Variants in PTPRD observed in about 807,000 individuals in gnomAD.
The protein encoded by PTPRD is protein tyrosine phosphatase receptor type D.
Under a neutral mutation model 214.5 loss-of-function variants are expected in PTPRD, and 34 were observed. The ratio of observed to expected loss-of-function variants is 0.16; its 90% CI spans 0.12 to 0.21. The LOEUF (loss-of-function observed/expected upper bound fraction) is 0.21. PTPRD is among the 10% of genes least tolerant of loss of function. PTPRD has a pLI of 1.00. For synonymous variants in PTPRD, 1,128 were observed against 845.7 expected (o/e 1.33, Z -5.79); for missense variants, 2,545 against 2,398.7 (o/e 1.06, Z -1.27).
chr9:8,344,334 C>A (rs933235026), intron 39 of PTPRD, among the ~76,000 whole-genome samples: 5 of 151,930 alleles, frequency 3.3e-5, no homozygotes. Context: ...CATCAGGGAC[C>A]ATTCAAATGT....
intron 3 of PTPRD, among the ~76,000 whole-genome samples, chr9:10,283,986 G>A (rs746641463): frequency 6.6e-6 from 1 of 151,992 alleles, no homozygotes; most frequent in African/African-American, 2.4e-5. Context: ...TGAGACCCTG[G>A]CAAGCTCTTA....
chr9:8,787,057 A>G (rs952005295), intron 11 of PTPRD, among the ~76,000 whole-genome samples: 1 of 151,936 alleles, frequency 6.6e-6, no homozygotes, highest in Non-Finnish European at 1.5e-5. Flanking sequence ...TCTGGTCTCG[A>G]ACTCCTGGGC....
At chr9:8,485,459 GT>G in intron 28 of PTPRD, 135 bp from the exon 29 acceptor site, 1 of 659,852 alleles carries the variant, frequency 1.5e-6, no homozygotes, top group Non-Finnish European at 2.6e-6. Context: ...TTTCCTACCT[GT>G]TTAGAGCATT....
At chr9:9,537,000 G>A (rs1217508097) in intron 8 of PTPRD, among the ~76,000 whole-genome samples, 1 of 151,816 alleles carries the variant, frequency 6.6e-6, no homozygotes, top group Non-Finnish European at 1.5e-5. Context: ...CAGTACCTAT[G>A]GTTCAACAAA....
intron 7 of PTPRD, among the ~76,000 whole-genome samples, chr9:9,615,058 G>A (rs932171514): frequency 1.3e-5 from 2 of 152,162 alleles, no homozygotes; most frequent in Admixed American, 6.5e-5. Context: ...AGCAACGTGG[G>A]TGTAAGAATA....
intron 9 of PTPRD, among the ~76,000 whole-genome samples, chr9:9,211,063 G>C (rs1420011372): frequency 2.0e-5 from 3 of 151,292 alleles, no homozygotes. Flanking sequence ...CAAATATCAA[G>C]GCAATACATG....
chr9:9,569,782 G>A (rs983790384), intron 8 of PTPRD, among the ~76,000 whole-genome samples: 1 of 151,472 alleles, frequency 6.6e-6, no homozygotes, highest in African/African-American at 2.4e-5. Context: ...AAATCATATA[G>A]AGTAAGTATT....
At chr9:10,450,014 T>A (rs554603148) in intron 2 of PTPRD, among the ~76,000 whole-genome samples, 4 of 151,784 alleles carry the variant, frequency 2.6e-5, no homozygotes, top group African/African-American at 9.7e-5. Flanking sequence ...GTGCAAGATG[T>A]GCTTTGTTAA....
intron 30 of PTPRD, among the ~76,000 whole-genome samples, chr9:8,477,753 C>T (rs769399933): frequency 6.6e-6 from 1 of 152,160 alleles, no homozygotes; most frequent in Non-Finnish European, 1.5e-5. Flanking sequence ...TTGTCTGGGG[C>T]AGTCCTGTTT....
intron 10 of PTPRD, among the ~76,000 whole-genome samples, chr9:9,054,995 C>A (rs1204768341): frequency 1.3e-5 from 2 of 152,104 alleles, no homozygotes; most frequent in African/African-American, 4.8e-5. Context: ...TCACAAAAAT[C>A]TGAAAATTAA....
intron 8 of PTPRD, among the ~76,000 whole-genome samples, chr9:9,415,929 G>GA (rs1456533587): frequency 1.3e-5 from 2 of 151,888 alleles, no homozygotes; most frequent in Admixed American, 6.6e-5. Context: ...GTCCCAGAAG[G>GA]AAAAAAAGCA....
At chr9:10,231,156 T>C (rs1253883147) in intron 3 of PTPRD, among the ~76,000 whole-genome samples, 1 of 151,972 alleles carries the variant, frequency 6.6e-6, no homozygotes, top group Non-Finnish European at 1.5e-5. Context: ...GAAGTAACAG[T>C]TGACTCCAAT....
chr9:10,077,143 A>G (rs1435804705), intron 3 of PTPRD, among the ~76,000 whole-genome samples: 2 of 152,186 alleles, frequency 1.3e-5, no homozygotes, highest in African/African-American at 4.8e-5. Context: ...GTGCTTGATA[A>G]AATGTTATGT....
intron 14 of PTPRD, among the ~76,000 whole-genome samples, chr9:8,572,901 C>A (rs1399158757): frequency 6.6e-5 from 10 of 152,010 alleles, no homozygotes; most frequent in Admixed American, 5.2e-4. Context: ...TTTCAACACA[C>A]TGTTATTATA....
At chr9:10,574,850 TCCC>T (rs1032997527) in intron 2 of PTPRD, among the ~76,000 whole-genome samples, 4 of 149,620 alleles carry the variant, frequency 2.7e-5, no homozygotes, top group Non-Finnish European at 5.9e-5. Context: ...TTCTCTTTCT[TCCC>T]CCCATTTAAA....
At chr9:8,543,852 C>A (rs1173073821) in intron 14 of PTPRD, among the ~76,000 whole-genome samples, 1 of 151,716 alleles carries the variant, frequency 6.6e-6, no homozygotes, top group Admixed American at 6.6e-5. Flanking sequence ...AGCTGGACTA[C>A]AGCTGCGTGC....
intron 4 of PTPRD, among the ~76,000 whole-genome samples, chr9:9,965,028 T>A (rs1028974004): frequency 6.6e-5 from 10 of 152,180 alleles, no homozygotes; most frequent in African/African-American, 1.4e-4. Flanking sequence ...GACTCTTATT[T>A]CAACAATGTG....
At chr9:10,090,473 GAA>G (rs1358591872) in intron 3 of PTPRD, among the ~76,000 whole-genome samples, 1 of 151,088 alleles carries the variant, frequency 6.6e-6, no homozygotes, top group African/African-American at 2.4e-5. Context: ...AAACCTCTGG[GAA>G]AAATAAAGCC....
intron 11 of PTPRD, among the ~76,000 whole-genome samples, chr9:8,906,516 C>G (rs993138757): frequency 1.3e-5 from 2 of 152,144 alleles, no homozygotes; most frequent in Non-Finnish European, 2.9e-5. Context: ...TGCTATGATA[C>G]ACTGACGTAC....
Sources: gnomAD v4.1 joint callset for allele counts (sites outside exome capture counted in the v4.1 genomes callset) on GRCh38, gnomAD v4.1.1 for gene constraint, MANE v1.5 for transcripts, NCBI Gene and HGNC (gene_info 2026-07-23, HGNC 2026-07-21) for gene names.